GLT8D2: variants seen among roughly 807,000 people sequenced by gnomAD.
The protein encoded by GLT8D2 is glycosyltransferase 8 domain containing 2.
In GLT8D2, 45 loss-of-function variants were observed where a neutral mutation model predicts 44.5. The ratio of observed to expected loss-of-function variants is 1.01; its 90% CI spans 0.80 to 1.30. GLT8D2 has a LOEUF of 1.30. Among genes scored for constraint, GLT8D2 ranks in the 50% most tolerant of loss-of-function variants. The pLI is 0.00. For missense variants in GLT8D2, 400 were observed against 430.4 expected (o/e 0.93, Z 0.62); for synonymous variants, 156 against 157.2 (o/e 0.99, Z 0.06).
chr12:104,058,102 CTCTCCCCTTTGTCTCTG>C (rs1274333534), intron 1 of GLT8D2, among the ~76,000 whole-genome samples: 1 of 152,180 alleles, frequency 6.6e-6, no homozygotes, highest in Non-Finnish European at 1.5e-5. Context: ...GTAGTCTCAC[CTCTCCCCTTTGTCTCTG>C]GCTGTTCTCA....
intron 4 of GLT8D2, among the ~76,000 whole-genome samples, chr12:104,009,192 C>T (rs56369424): frequency 0.26 from 39,700 of 152,148 alleles, 6,243 homozygotes; most frequent in Non-Finnish European, 0.34. Context: ...TCAATGCCAG[C>T]CCATGAAAGC....
intron 4 of GLT8D2, 83 bp downstream of exon 4, chr12:104,014,930 C>T (rs940936840): frequency 5.3e-6 from 5 of 937,814 alleles, no homozygotes; most frequent in African/African-American, 3.3e-5. Flanking sequence ...TGTCCCTGAA[C>T]CCAGCTATTG....
intron 3 of GLT8D2, among the ~76,000 whole-genome samples, chr12:104,018,871 A>G (rs568376532): frequency 6.6e-6 from 1 of 152,226 alleles, no homozygotes; most frequent in Non-Finnish European, 1.5e-5. Context: ...TGAGGGTCAC[A>G]GAATTAGGTT....
intron 8 of GLT8D2, 35 bp downstream of exon 8, chr12:103,996,700 G>A (rs576824387): frequency 6.9e-7 from 1 of 1,457,716 alleles, no homozygotes; most frequent in African/African-American, 1.4e-5. Context: ...GAGTTGTAGA[G>A]TGAAGGGAGG....
At position 103,989,496 on chromosome 12, in the gene GLT8D2, C is replaced by T; in HGVS notation, c.962G>A (p.Trp321Ter). The change falls in exon 11 of 11, where the codon TGG (tryptophan) becomes TAG (stop). Residue 321 changes from tryptophan (W) to a stop codon, truncating the protein, a stop_gained. Coordinates refer to ENST00000360814, the MANE Select transcript of GLT8D2 (RefSeq NM_001384711.1). LOFTEE classifies it high-confidence loss of function. ...GTCGTTGTGAACACTAGGGAAGTCC[C>T]AAGGTTTATGTCTTCCATTCCAGTG... ...LLHWNGRHKP[W>*]DFPSVHNDLW... 6.2e-7 allele frequency: 1 copy of T among 1,613,484 alleles called. No individual in the cohort carries two copies. The highest frequency in any genetic ancestry group is 1.3e-5 in the African/African-American group (1 of 74,986).
At chr12:104,003,587 GTC>G (rs765695720) in intron 4 of GLT8D2, among the ~76,000 whole-genome samples, 1 of 152,132 alleles carries the variant, frequency 6.6e-6, no homozygotes, top group Non-Finnish European at 1.5e-5. Flanking sequence ...CCACTGCTGG[GTC>G]TACCCTTCAA....
intron 5 of GLT8D2, 64 bp from the exon 6 acceptor site, chr12:103,999,578 C>A: frequency 1.1e-6 from 1 of 938,652 alleles, no homozygotes. Flanking sequence ...TTGCCTATTG[C>A]CCCAAGGTCA....
intron 10 of GLT8D2, among the ~76,000 whole-genome samples, chr12:103,992,473 T>A: frequency 6.7e-6 from 1 of 150,340 alleles, no homozygotes; most frequent in Non-Finnish European, 1.5e-5. Flanking sequence ...ACAGTGAAAG[T>A]TCTCTCTCTC....
intron 4 of GLT8D2, among the ~76,000 whole-genome samples, chr12:104,013,806 A>C (rs1374677505): frequency 6.6e-6 from 1 of 152,136 alleles, no homozygotes; most frequent in Non-Finnish European, 1.5e-5. Context: ...CAGTGGCACT[A>C]TCAGGGCTCA....
intron 6 of GLT8D2, 73 bp from the exon 7 acceptor site, chr12:103,997,608 G>A: frequency 2.8e-6 from 3 of 1,076,368 alleles, no homozygotes; most frequent in Non-Finnish European, 4.3e-6. Context: ...GTACTGGAGA[G>A]TCGGCTTTGA....
intron 1 of GLT8D2, among the ~76,000 whole-genome samples, chr12:104,058,393 C>T (rs1882360212): frequency 6.6e-6 from 1 of 152,182 alleles, no homozygotes; most frequent in Non-Finnish European, 1.5e-5. Context: ...CAGCAAATGT[C>T]TCATCCTCAT....
intron 1 of GLT8D2, among the ~76,000 whole-genome samples, chr12:104,039,012 T>G (rs1431794830): frequency 6.6e-6 from 1 of 152,124 alleles, no homozygotes; most frequent in Non-Finnish European, 1.5e-5. Flanking sequence ...TAATCTGATA[T>G]TTGACAAATC....
chr12:104,058,564 T>C (rs1199320257), intron 1 of GLT8D2, among the ~76,000 whole-genome samples: 1 of 152,210 alleles, frequency 6.6e-6, no homozygotes, highest in East Asian at 1.9e-4. Context: ...GATGCTCTTA[T>C]TATTCCCATT....
intron 3 of GLT8D2, 30 bp from the exon 4 acceptor site, chr12:104,015,135 T>C: frequency 6.6e-7 from 1 of 1,518,704 alleles, no homozygotes; most frequent in Non-Finnish European, 9.1e-7. Context: ...ACATTAACAT[T>C]GAACCTATGA....
intron 3 of GLT8D2, among the ~76,000 whole-genome samples, chr12:104,016,755 GAAAGAAA>G (rs1876750889): frequency 9.9e-6 from 1 of 100,624 alleles, no homozygotes; most frequent in Non-Finnish European, 2.1e-5. Context: ...AAGAAAGAAA[GAAAGAAA>G]GAAAGAAAGA....
chr12:104,039,481 C>A (rs1335650541), intron 1 of GLT8D2, among the ~76,000 whole-genome samples: 12 of 151,324 alleles, frequency 7.9e-5, no homozygotes, highest in Non-Finnish European at 1.6e-4. Flanking sequence ...AAAAAGTGGG[C>A]GAAGGATATG....
rs745502835 is a variant in GLT8D2 at position 104,003,173 on chromosome 12, G to A, written c.246C>T (p.Phe82=). The A allele has an allele frequency of 1.9e-6, 3 of 1,614,128 alleles. No homozygotes were observed. The highest frequency in any genetic ancestry group is 1.1e-5 in the South Asian group (1 of 91,078). ...IYSNTDANIL[F]YVVGLRNTLT... is the part of the protein sequence containing the mutation. ...GAGTATTCCGGAGTCCCACTACATA[G>A]AACAAGATGTTGGCGTCAGTGTTGC... The change falls in exon 5 of 11, where the codon TTC becomes TTT. Residue 82 remains phenylalanine (F), a synonymous_variant. Transcript: ENST00000360814.
chr12:104,027,154 A>G (rs1878684004), intron 1 of GLT8D2, among the ~76,000 whole-genome samples: 1 of 152,186 alleles, frequency 6.6e-6, no homozygotes, highest in Non-Finnish European at 1.5e-5. Flanking sequence ...AACACCCAAG[A>G]GCTTTGAGTG....
At chr12:104,021,128 C>A (rs1226151008) in intron 2 of GLT8D2, among the ~76,000 whole-genome samples, 2 of 152,114 alleles carry the variant, frequency 1.3e-5, no homozygotes, top group East Asian at 3.9e-4. Context: ...GGGAACTGTG[C>A]AAGAATGTAG....
Sources: gnomAD v4.1 joint callset for allele counts (sites outside exome capture counted in the v4.1 genomes callset) on GRCh38, gnomAD v4.1.1 for gene constraint, MANE v1.5 for transcripts, NCBI Gene and HGNC (gene_info 2026-07-23, HGNC 2026-07-21) for gene names.